PKP4: variants seen among roughly 807,000 people sequenced by gnomAD.
PKP4 encodes plakophilin 4, also known as plakophilin-4.
PKP4 carries 90 observed loss-of-function variants against 145.1 expected under a neutral mutation model. The observed-to-expected ratio is 0.62, with a 90% CI of 0.52 to 0.74. The LOEUF (loss-of-function observed/expected upper bound fraction) is 0.74, where lower values mean the gene tolerates loss of function less well. Ranked by LOEUF, PKP4 falls within the 30% of genes least tolerant of loss-of-function variation. The pLI, the probability that PKP4 is intolerant of heterozygous loss-of-function variation, is 0.00. For missense variants in PKP4, 1,340 were observed against 1,482.7 expected, an observed-to-expected ratio of 0.90 and a Z score of 1.58; for synonymous variants, 563 against 577.2, an observed-to-expected ratio of 0.98 and a Z score of 0.35.
intron 11 of PKP4, among the ~76,000 whole-genome samples, chr2:158,652,857 C>A (rs549371903): frequency 6.6e-6 from 1 of 152,138 alleles, no homozygotes; most frequent in Non-Finnish European, 1.5e-5. Flanking sequence ...GTTGAGTGTG[C>A]ACAAGACCTT....
At chr2:158,616,787 C>A (rs1312208352) in intron 4 of PKP4, among the ~76,000 whole-genome samples, 1 of 152,142 alleles carries the variant, frequency 6.6e-6, no homozygotes, top group African/African-American at 2.4e-5. Flanking sequence ...CTCTGGGTTC[C>A]TGTTTCCATG....
chr2:158,610,385 T>G (rs961898104), intron 4 of PKP4, among the ~76,000 whole-genome samples: 3 of 152,062 alleles, frequency 2.0e-5, no homozygotes, highest in Admixed American at 6.6e-5. Flanking sequence ...CAATAAAAAA[T>G]AAACATCAAA....
chr2:158,525,966 A>G (rs1184596571), intron 1 of PKP4, among the ~76,000 whole-genome samples: 2 of 151,318 alleles, frequency 1.3e-5, no homozygotes, highest in Non-Finnish European at 3.0e-5. Context: ...GACCAATAAC[A>G]GGAGCTGAAA....
chr2:158,613,524 T>C (rs968197128), intron 4 of PKP4, among the ~76,000 whole-genome samples: 4 of 152,190 alleles, frequency 2.6e-5, no homozygotes, highest in Admixed American at 2.6e-4. Context: ...TTATTCAGAA[T>C]ACAGCTTAGA....
In PKP4 at chr2:158,663,414, C is replaced by T. The variant is rs2056790253; in HGVS notation, c.2546C>T (p.Ser849Phe). 6.2e-7 allele frequency: 1 copy of T among 1,613,792 alleles called. No individual in the cohort carries two copies. Among genetic ancestry groups the T allele is most frequent in the African/African-American group, 1.3e-5 (1 of 74,918 alleles). ...NPATLEGSAG[S>F]LQNLSAGNWK... ...GCCACCTTGGAAGGCTCTGCAGGGTCTCTCCAGAACCTCTCTGCTGGCAAC... is the reference window on the plus strand; with the variant it reads ...GCCACCTTGGAAGGCTCTGCAGGGTTTCTCCAGAACCTCTCTGCTGGCAAC... Residue 849 changes from serine (S) to phenylalanine (F), a missense_variant, in exon 15 of 22, where the codon TCT (serine) becomes TTT (phenylalanine). Coordinates refer to ENST00000389759, the MANE Select transcript of PKP4 (RefSeq NM_003628.6).
At chr2:158,565,935 C>T (rs2046947975) in intron 2 of PKP4, among the ~76,000 whole-genome samples, 1 of 152,072 alleles carries the variant, frequency 6.6e-6, no homozygotes, top group African/African-American at 2.4e-5. Context: ...AAATTTTGAA[C>T]ACTTGTACCT....
chr2:158,665,073 A>AGT, intron 15 of PKP4, among the ~76,000 whole-genome samples: 1 of 152,236 alleles, frequency 6.6e-6, no homozygotes, highest in East Asian at 1.9e-4. Flanking sequence ...CGATTTCAAT[A>AGT]GTGAGTTAAA....
At chr2:158,597,925 A>G (rs907773145) in intron 3 of PKP4, among the ~76,000 whole-genome samples, 1 of 151,820 alleles carries the variant, frequency 6.6e-6, no homozygotes, top group African/African-American at 2.4e-5. Flanking sequence ...GGCTCAGGCA[A>G]TCTTCTCACC....
chr2:158,666,670 G>A, intron 16 of PKP4, 107 bp downstream of exon 16: 1 of 922,066 alleles, frequency 1.1e-6, no homozygotes, highest in Middle Eastern at 2.8e-4. Flanking sequence ...ATTAACAGCT[G>A]AGCCCTAGTC....
intron 3 of PKP4, among the ~76,000 whole-genome samples, chr2:158,580,029 AG>A (rs919764452): frequency 1.3e-5 from 2 of 152,188 alleles, no homozygotes; most frequent in Non-Finnish European, 2.9e-5. Flanking sequence ...ACTAGGAATT[AG>A]GCTTTTGCAG....
chr2:158,469,543 A>C (rs1464216234), intron 1 of PKP4, among the ~76,000 whole-genome samples: 1 of 152,194 alleles, frequency 6.6e-6, no homozygotes, highest in Non-Finnish European at 1.5e-5. Flanking sequence ...GTTTTTATTA[A>C]TGTCTTTTCT....
At chr2:158,670,847 T>C (rs900216865) in intron 17 of PKP4, among the ~76,000 whole-genome samples, 1 of 152,122 alleles carries the variant, frequency 6.6e-6, no homozygotes, top group African/African-American at 2.4e-5. Flanking sequence ...GAATCAGTGG[T>C]AAAAATTGAA....
At chr2:158,663,929 C>G (rs1175880270) in intron 15 of PKP4, among the ~76,000 whole-genome samples, 3 of 152,202 alleles carry the variant, frequency 2.0e-5, no homozygotes, top group Non-Finnish European at 2.9e-5. Flanking sequence ...GGAGGACAGT[C>G]TTGTGGTGCA....
At chr2:158,568,101 G>A (rs112068707) in intron 2 of PKP4, among the ~76,000 whole-genome samples, 1,873 of 152,204 alleles carry the variant, frequency 0.012, 46 homozygotes, top group African/African-American at 0.042. Flanking sequence ...TTGGGAGGCC[G>A]AGGCAGCAGA....
At chr2:158,591,072 GATACATTCAT>G (rs1201277264) in intron 3 of PKP4, among the ~76,000 whole-genome samples, 3 of 152,100 alleles carry the variant, frequency 2.0e-5, no homozygotes, top group African/African-American at 7.2e-5. Flanking sequence ...ATACTGTACT[GATACATTCAT>G]TAGAACCAGG....
In PKP4 at chr2:158,662,952, A is replaced by C; in HGVS notation, c.2267A>C (p.Glu756Ala). 5 of 1,613,442 alleles carry C rather than the reference A, an allele frequency of 3.1e-6. No homozygotes were observed. The highest frequency in any genetic ancestry group is 4.2e-6 in the Non-Finnish European group (5 of 1,179,878). The change falls in exon 14 of 22, where the codon GAG (glutamate) becomes GCG (alanine). Residue 756 changes from glutamate to alanine, a missense_variant. By Grantham distance (107) the Glu-to-Ala change is moderately radical. Transcript: ENST00000389759. ...AACCTGTCCTATCGGCTGGAGCTGG[A>C]GGTGCCCCAGGCCCGGTTACTGGGA... The part of the protein sequence containing the change: ...LRNLSYRLEL[E>A]VPQARLLGLN...
At chr2:158,545,055 C>T (rs962043177) in intron 2 of PKP4, among the ~76,000 whole-genome samples, 1 of 144,164 alleles carries the variant, frequency 6.9e-6, no homozygotes, top group South Asian at 2.3e-4. Context: ...AGAGAGCAGG[C>T]CTAACCTAAG....
chr2:158,665,116 C>T (rs536327138), intron 15 of PKP4, among the ~76,000 whole-genome samples: 7 of 152,094 alleles, frequency 4.6e-5, no homozygotes, highest in Non-Finnish European at 7.4e-5. Context: ...ATGAGATAAT[C>T]GTGGCCACAG....
At chr2:158,647,459 C>G in intron 11 of PKP4, among the ~76,000 whole-genome samples, 1 of 152,066 alleles carries the variant, frequency 6.6e-6, no homozygotes, top group East Asian at 1.9e-4. Flanking sequence ...GCAGTTTTTA[C>G]TGTACTTAAG....
Sources: gnomAD v4.1 joint callset for allele counts (sites outside exome capture counted in the v4.1 genomes callset) on GRCh38, gnomAD v4.1.1 for gene constraint, MANE v1.5 for transcripts, NCBI Gene and HGNC (gene_info 2026-07-23, HGNC 2026-07-21) for gene names.